Variants in RIC8B observed in about 807,000 individuals in gnomAD.
RIC8B encodes RIC8 guanine nucleotide exchange factor B.
A neutral mutation model predicts 57.5 loss-of-function variants in RIC8B; 16 were observed. The observed-to-expected ratio is 0.28, with a 90% CI of 0.19 to 0.42. The LOEUF is 0.42. Ranked by LOEUF, RIC8B falls within the 10% of genes least tolerant of loss-of-function variation. The probability of loss-of-function intolerance (pLI) is 1.00; values close to 1 mark genes in which losing one functional copy is unlikely to be tolerated. For missense variants in RIC8B, 481 were observed against 677.0 expected, an observed-to-expected ratio of 0.71 and a Z score of 3.21; for synonymous variants, 216 against 250.8, an observed-to-expected ratio of 0.86 and a Z score of 1.31.
rs572218268 is a variant in RIC8B at position 106,868,848 on chromosome 12, C to CTTTT, written c.1452-1954_1452-1951dup. On this transcript the variant is annotated intron_variant, in intron 8 of 9. Coordinates refer to ENST00000392837, the MANE Select transcript of RIC8B (RefSeq NM_001330145.2). ...TAGTTGGTCTAAGGTGAGGCCCAAG[C>CTTTT]TTTTTTTTTTTTTTTTTTTTTTTTG... Among the ~76,000 whole-genome samples, 6 of 85,538 alleles carry CTTTT rather than the reference C, an allele frequency of 7.0e-5. 1 individual carries two copies. The highest frequency in any genetic ancestry group is 9.5e-5 in the Non-Finnish European group (4 of 41,946). The allele number at this position is 85,538 out of a possible 152,430, so 56.1% of individuals were successfully genotyped here. A position where few individuals can be genotyped will look rare whatever the true frequency, so the allele number is the denominator to read the frequency against.
rs746556829 is a variant in RIC8B, at chr12:106,814,797, G to C, written c.234G>C (p.Lys78Asn). 2 of 1,614,190 alleles carry C rather than the reference G, an allele frequency of 1.2e-6. No homozygotes were observed. Among genetic ancestry groups the C allele is most frequent in the Non-Finnish European group, 1.7e-6 (2 of 1,180,022 alleles). ...TCCGCATTCTCTCCAGAGACAAAAA[G>C]GTTTTAGTTCCTGTGACAACTAAGG... ...EVLRILSRDK[K>N]VLVPVTTKEN... Residue 78 changes from lysine (K) to asparagine (N), a missense_variant, in exon 3 of 10, where the codon AAG becomes AAC. By Grantham distance (94) the Lys-to-Asn change is moderately conservative (BLOSUM62 0). Transcript: ENST00000392837.
chr12:106,838,217 T>A (rs535824460), intron 4 of RIC8B, among the ~76,000 whole-genome samples: 1 of 152,074 alleles, frequency 6.6e-6, no homozygotes, highest in African/African-American at 2.4e-5. Flanking sequence ...GTGCCAAGAA[T>A]ACACAATGGG....
chr12:106,844,428 A>C (rs1949092176), intron 6 of RIC8B, among the ~76,000 whole-genome samples: 1 of 152,214 alleles, frequency 6.6e-6, no homozygotes, highest in Admixed American at 6.5e-5. Context: ...TCCCTGAGAC[A>C]AGAGGATGCT....
chr12:106,782,542 C>T (rs890311787), intron 1 of RIC8B, among the ~76,000 whole-genome samples: 8 of 152,148 alleles, frequency 5.3e-5, no homozygotes, highest in Non-Finnish European at 1.2e-4. Context: ...GTAGTCTTCC[C>T]CTGGTTGCCT....
chr12:106,812,738 C>T (rs2045391382), intron 2 of RIC8B, among the ~76,000 whole-genome samples: 1 of 151,834 alleles, frequency 6.6e-6, no homozygotes, highest in Admixed American at 6.6e-5. Context: ...GAAAATTTTC[C>T]CTGTTCTGTA....
intron 7 of RIC8B, among the ~76,000 whole-genome samples, chr12:106,854,416 T>C (rs1253185258): frequency 6.6e-6 from 1 of 152,198 alleles, no homozygotes; most frequent in Middle Eastern, 3.2e-3. Flanking sequence ...GAAGGCACCT[T>C]GATCAAGGCT....
At chr12:106,840,622 TA>T (rs1948903316) in intron 4 of RIC8B, among the ~76,000 whole-genome samples, 2 of 152,324 alleles carry the variant, frequency 1.3e-5, no homozygotes, top group South Asian at 4.1e-4. Flanking sequence ...ATTAATTTTG[TA>T]GTTGTTTGGA....
intron 4 of RIC8B, among the ~76,000 whole-genome samples, chr12:106,842,369 A>G (rs961283617): frequency 2.0e-5 from 3 of 152,192 alleles, no homozygotes; most frequent in African/African-American, 7.2e-5. Context: ...GTGTCTGTCT[A>G]TTCAACATTT....
intron 2 of RIC8B, among the ~76,000 whole-genome samples, chr12:106,788,055 G>C (rs1333763581): frequency 6.6e-6 from 1 of 152,132 alleles, no homozygotes; most frequent in Non-Finnish European, 1.5e-5. Context: ...AGATACAGTG[G>C]GGGTACAGGC....
At chr12:106,824,746 A>AG (rs1481158463) in intron 3 of RIC8B, among the ~76,000 whole-genome samples, 2 of 151,738 alleles carry the variant, frequency 1.3e-5, no homozygotes, top group African/African-American at 4.8e-5. Flanking sequence ...AAATACAAAA[A>AG]GAAAAAAAAA....
chr12:106,868,298 C>T (rs937197127), intron 8 of RIC8B: 31 of 456,624 alleles, frequency 6.8e-5, no homozygotes, highest in African/African-American at 5.0e-4. Context: ...TTTCAAATTA[C>T]AGCTCCATTG....
At chr12:106,841,478 T>C (rs569295142) in intron 4 of RIC8B, among the ~76,000 whole-genome samples, 1 of 152,298 alleles carries the variant, frequency 6.6e-6, no homozygotes, top group African/African-American at 2.4e-5. Flanking sequence ...TTTGTTTTGC[T>C]TTATTTTTTA....
Position 106,788,939 on chromosome 12 carries a change from TC to T in RIC8B, c.132+4896del, listed in dbSNP as rs1337218779. The stretch of plus-strand genomic sequence containing the variant: ...AATTTCTCCTCAGAAAATGGGTTTT[TC>T]TTTTCTACTGCATTGTCAAGCTGCA... On this transcript the variant is annotated intron_variant, in intron 2 of 9. Transcript: ENST00000392837. Among the ~76,000 whole-genome samples, 3 of 152,362 alleles carry T rather than the reference TC, an allele frequency of 2.0e-5. No individual in the cohort carries two copies. In the East Asian group the frequency reaches 5.8e-4, roughly 29 times the overall value.
chr12:106,853,262 T>C, intron 7 of RIC8B, among the ~76,000 whole-genome samples: 1 of 151,774 alleles, frequency 6.6e-6, no homozygotes, highest in Non-Finnish European at 1.5e-5. Context: ...ACATTACCGA[T>C]GAGTATCATA....
intron 2 of RIC8B, among the ~76,000 whole-genome samples, chr12:106,810,211 G>A (rs1477972880): frequency 2.1e-5 from 3 of 146,186 alleles, no homozygotes; most frequent in Admixed American, 2.0e-4. Flanking sequence ...AGGATTATAG[G>A]CATGAGTGAC....
At position 106,825,737 on chromosome 12, in the gene RIC8B, T is replaced by G. The variant is rs761372944; in HGVS notation, c.753T>G (p.His251Gln). 1 of 1,613,334 alleles carries G rather than the reference T, an allele frequency of 6.2e-7. No individual in the cohort carries two copies. Among genetic ancestry groups the G allele is most frequent in the Non-Finnish European group, 8.5e-7 (1 of 1,179,314 alleles). ...SWKVHKESDS[H>Q]QFRVMAAVLR... ...TTTATTTGCCATAGAGTGATTCTCA[T>G]CAGTTCCGTGTAATGGCAGCTGTCC... Residue 251 changes from histidine (H) to glutamine (Q), a missense_variant, in exon 4 of 10, where the codon CAT becomes CAG. Coordinates refer to ENST00000392837, the MANE Select transcript of RIC8B (RefSeq NM_001330145.2).
chr12:106,882,293 C>A (rs1453655748), intron 9 of RIC8B, among the ~76,000 whole-genome samples: 1 of 152,116 alleles, frequency 6.6e-6, no homozygotes, highest in Non-Finnish European at 1.5e-5. Context: ...GGTATGTGTT[C>A]CTGTCCTAAT....
In RIC8B at chr12:106,888,334, A is replaced by G. The variant is rs551549006; in HGVS notation, c.*2319A>G. Reference sequence around the variant, plus strand: ...GAGTGTCTTCATCTGGCACACAGAAAGAGAACTAATATCTGTTAAGTGCTT... The same window carrying G: ...GAGTGTCTTCATCTGGCACACAGAAGGAGAACTAATATCTGTTAAGTGCTT... On this transcript the variant is annotated 3_prime_UTR_variant, in exon 10 of 10. Coordinates refer to ENST00000392837, the MANE Select transcript of RIC8B (RefSeq NM_001330145.2). The G allele has an allele frequency of 4.6e-5, 7 of 152,396 alleles. No homozygotes were observed. Among genetic ancestry groups the G allele is most frequent in the African/African-American group, 1.7e-4 (7 of 41,584 alleles). The allele number at this position is 152,396 out of a possible 1,614,324, so 9.4% of individuals were successfully genotyped here.
intron 2 of RIC8B, among the ~76,000 whole-genome samples, chr12:106,790,869 A>G (rs2044235146): frequency 6.6e-6 from 1 of 152,240 alleles, no homozygotes; most frequent in African/African-American, 2.4e-5. Flanking sequence ...AATATCAAGC[A>G]TATTTTATTA....
Sources: gnomAD v4.1 joint callset for allele counts (sites outside exome capture counted in the v4.1 genomes callset) on GRCh38, gnomAD v4.1.1 for gene constraint, MANE v1.5 for transcripts, NCBI Gene and HGNC (gene_info 2026-07-23, HGNC 2026-07-21) for gene names.